CLEC19A: variants seen among roughly 807,000 people sequenced by gnomAD.
CLEC19A encodes C-type lectin domain containing 19A.
Under a neutral mutation model 26.1 loss-of-function variants are expected in CLEC19A, and 21 were observed. That is an observed-to-expected ratio of 0.80 (90% CI 0.57 to 1.16). The LOEUF is 1.16. Ranked by LOEUF, CLEC19A falls within the 50% of genes most tolerant of loss-of-function variation. The pLI, the probability that CLEC19A is intolerant of heterozygous loss-of-function variation, is 0.00. For missense variants in CLEC19A, 224 were observed against 227.6 expected, an observed-to-expected ratio of 0.98 and a Z score of 0.10; for synonymous variants, 89 against 88.6, an observed-to-expected ratio of 1.00 and a Z score of -0.03.
At chr16:19,287,400 G>A (rs997422298) in intron 1 of CLEC19A, among the ~76,000 whole-genome samples, 2 of 151,984 alleles carry the variant, frequency 1.3e-5, no homozygotes, top group African/African-American at 2.4e-5. Flanking sequence ...ACTTCCCAAA[G>A]GTCCCCCCTC....
chr16:19,304,563 C>G (rs1348866674), intron 3 of CLEC19A, among the ~76,000 whole-genome samples: 1 of 151,822 alleles, frequency 6.6e-6, no homozygotes, highest in African/African-American at 2.4e-5. Flanking sequence ...TAGCTGGGCG[C>G]TGTTGTGGGC....
rs1179391885 is a variant in CLEC19A, at chr16:19,285,859, G to C, written c.8G>C (p.Arg3Thr). 1 of 1,550,514 alleles carries C rather than the reference G, an allele frequency of 6.4e-7. No individual in the cohort carries two copies. The highest frequency in any genetic ancestry group is 2.0e-5 in the Admixed American group (1 of 51,002). Residue 3 changes from arginine to threonine, a missense_variant, in exon 1 of 5, where the codon AGG (arginine) becomes ACG (threonine). Physicochemically the swap from Arg to Thr is moderately conservative, Grantham distance 71. Transcript: ENST00000636231. Reference protein sequence around the residue: MQRWTLWAAAFLT... With the variant: MQTWTLWAAAFLT... ...GCTTTCTAGGAGCTCAGGATGCAAA[G>C]GTGGACACTGTGGGCTGCAGCCTTC...
In CLEC19A at chr16:19,307,529, G is replaced by T; in HGVS notation, c.349-16G>T. ...CTTGGCTTGCTTCTTTGTCTCTTTG[G>T]GTGGAACCCTCCCAGGAAGGGCAGT... is the stretch of plus-strand genomic sequence containing the variant. On this transcript the variant is annotated splice_polypyrimidine_tract_variant and intron_variant, in intron 3 of 4. Transcript: ENST00000636231. 6.5e-7 allele frequency: 1 copy of T among 1,547,522 alleles called. No homozygotes were observed. The highest frequency in any genetic ancestry group is 8.7e-7 in the Non-Finnish European group (1 of 1,146,632).
chr16:19,306,461 T>G (rs532196409), intron 3 of CLEC19A, among the ~76,000 whole-genome samples: 14 of 152,216 alleles, frequency 9.2e-5, no homozygotes, highest in Admixed American at 4.6e-4. Context: ...TTTAAATCAA[T>G]AGACTTCAAC....
At chr16:19,296,201 G>A (rs1897702355) in intron 1 of CLEC19A, among the ~76,000 whole-genome samples, 1 of 152,236 alleles carries the variant, frequency 6.6e-6, no homozygotes, top group Non-Finnish European at 1.5e-5. Context: ...TGGGGTTGGG[G>A]ACAGGCTGTT....
chr16:19,298,834 C>A lies in CLEC19A; in HGVS notation c.250C>A (p.His84Asn), dbSNP rs1897759214. ...GRKSAKLASIHSWEENVFVYD... is the reference protein window; with the variant it reads ...GRKSAKLASINSWEENVFVYD... ...GAAGTCCGCCAAGCTGGCCTCCATC[C>A]ACAGGTAAGTGGGATCCCCAGTGCC... The change falls in exon 2 of 5, where the codon CAC (histidine) becomes AAC (asparagine). Residue 84 changes from histidine to asparagine, a missense_variant. Transcript: ENST00000636231. 1 of 1,550,326 alleles carries A rather than the reference C, an allele frequency of 6.5e-7. No homozygotes were observed. Among genetic ancestry groups the A allele is most frequent in the Non-Finnish European group, 8.7e-7 (1 of 1,146,828 alleles).
chr16:19,293,446 CTTTTTAATT>C (rs1355645540), intron 1 of CLEC19A, among the ~76,000 whole-genome samples: 2 of 144,266 alleles, frequency 1.4e-5, no homozygotes, highest in African/African-American at 5.3e-5. Context: ...ATCTTTGGTA[CTTTTTAATT>C]TTTTTAATTT....
At chr16:19,303,716 T>C (rs1391554095) in intron 2 of CLEC19A, among the ~76,000 whole-genome samples, 1 of 152,202 alleles carries the variant, frequency 6.6e-6, no homozygotes, top group Non-Finnish European at 1.5e-5. Flanking sequence ...GAAATTTTCA[T>C]TTATTTATGT....
intron 4 of CLEC19A, among the ~76,000 whole-genome samples, chr16:19,308,137 C>A (rs1897995496): frequency 6.6e-6 from 1 of 152,158 alleles, no homozygotes; most frequent in Non-Finnish European, 1.5e-5. Context: ...CTTTCTAGTT[C>A]TGTGTCATTG....
At chr16:19,296,667 C>T (rs1309263752) in intron 1 of CLEC19A, among the ~76,000 whole-genome samples, 2 of 152,168 alleles carry the variant, frequency 1.3e-5, no homozygotes, top group Non-Finnish European at 2.9e-5. Flanking sequence ...TGATCTTGGG[C>T]GAGTTACTCA....
intron 4 of CLEC19A, 132 bp from the exon 5 acceptor site, chr16:19,308,872 A>T: frequency 1.5e-6 from 1 of 666,318 alleles, no homozygotes; most frequent in South Asian, 1.8e-5. Flanking sequence ...CTTGTCAAGT[A>T]TCAGCAAGAA....
At chr16:19,300,850 G>A (rs1212371710) in intron 2 of CLEC19A, among the ~76,000 whole-genome samples, 1 of 152,202 alleles carries the variant, frequency 6.6e-6, no homozygotes, top group Non-Finnish European at 1.5e-5. Context: ...CCAGTCCTAT[G>A]GGAGTTGGAG....
At chr16:19,289,814 C>T (rs1219691774) in intron 1 of CLEC19A, among the ~76,000 whole-genome samples, 1 of 152,236 alleles carries the variant, frequency 6.6e-6, no homozygotes, top group African/African-American at 2.4e-5. Context: ...AGCCAGGGCT[C>T]ACTGTGAAGG....
chr16:19,287,038 TTG>T (rs1491537871), intron 1 of CLEC19A, among the ~76,000 whole-genome samples: 34,595 of 145,842 alleles, frequency 0.24, 4,320 homozygotes, highest in Non-Finnish European at 0.26. Flanking sequence ...TTTTTTTTTT[TTG>T]TTAATCTAGC....
chr16:19,295,466 G>T (rs536846319), intron 1 of CLEC19A, among the ~76,000 whole-genome samples: 4 of 152,060 alleles, frequency 2.6e-5, no homozygotes, highest in Non-Finnish European at 5.9e-5. Flanking sequence ...GCCTCCCAAG[G>T]TGTTGGTATT....
At chr16:19,288,722 A>G (rs1158210981) in intron 1 of CLEC19A, among the ~76,000 whole-genome samples, 1 of 152,158 alleles carries the variant, frequency 6.6e-6, no homozygotes, top group East Asian at 1.9e-4. Context: ...ACCCAGTAAG[A>G]GCTACGTAAA....
intron 3 of CLEC19A, among the ~76,000 whole-genome samples, chr16:19,305,844 T>G (rs2078948): frequency 0.52 from 79,055 of 151,854 alleles, 22,555 homozygotes; most frequent in Middle Eastern, 0.68. Flanking sequence ...GCTGTTTTTT[T>G]TTTGTTTGTT....
intron 1 of CLEC19A, among the ~76,000 whole-genome samples, chr16:19,294,581 AC>A (rs1293611628): frequency 6.6e-6 from 1 of 152,210 alleles, no homozygotes; most frequent in Admixed American, 6.5e-5. Context: ...GAGAAAGATG[AC>A]AAAGAAGTTT....
chr16:19,298,662 T>C lies in CLEC19A; in HGVS notation c.89-11T>C, dbSNP rs1486960292. ...AACCTTCCTCCCAGTCTGTTTCCTT[T>C]CTGCCCCCAGCCCTGCCAGAGCTGC... On this transcript the variant is annotated splice_polypyrimidine_tract_variant and intron_variant, in intron 1 of 4. Transcript: ENST00000636231. The C allele has an allele frequency of 6.4e-7, 1 of 1,550,678 alleles. No individual in the cohort carries two copies. Among genetic ancestry groups the C allele is most frequent in the Non-Finnish European group, 8.7e-7 (1 of 1,146,968 alleles).
Sources: gnomAD v4.1 joint callset for allele counts (sites outside exome capture counted in the v4.1 genomes callset) on GRCh38, gnomAD v4.1.1 for gene constraint, MANE v1.5 for transcripts, NCBI Gene and HGNC (gene_info 2026-07-23, HGNC 2026-07-21) for gene names.